KCNIP4: variants seen among roughly 807,000 people sequenced by gnomAD.
The protein encoded by KCNIP4 is potassium voltage-gated channel interacting protein 4.
In KCNIP4, 12 loss-of-function variants were observed where a neutral mutation model predicts 34.0. The ratio of observed to expected loss-of-function variants is 0.35; its 90% CI spans 0.23 to 0.57. The LOEUF is 0.57. Ranked by LOEUF, KCNIP4 falls within the 20% of genes least tolerant of loss-of-function variation. KCNIP4 has a pLI of 0.83. For missense variants in KCNIP4, 238 were observed against 311.7 expected (o/e 0.76, Z 1.78); for synonymous variants, 124 against 102.2 (o/e 1.21, Z -1.29).
intron 1 of KCNIP4, among the ~76,000 whole-genome samples, chr4:21,348,702 G>A (rs932599483): frequency 1.3e-5 from 2 of 152,194 alleles, no homozygotes; most frequent in Non-Finnish European, 2.9e-5. Context: ...ATACTTCAGA[G>A]CTGCGCTATG....
chr4:21,298,112 G>A (rs1377160206), intron 1 of KCNIP4, among the ~76,000 whole-genome samples: 1 of 152,120 alleles, frequency 6.6e-6, no homozygotes, highest in Non-Finnish European at 1.5e-5. Context: ...TGATTGAGAT[G>A]ATAATTCCAA....
intron 1 of KCNIP4, among the ~76,000 whole-genome samples, chr4:21,836,263 C>T (rs1046870298): frequency 5.3e-5 from 8 of 152,214 alleles, no homozygotes; most frequent in Middle Eastern, 3.4e-3. Context: ...GACTCAGCTG[C>T]ACTTCTTGAT....
At chr4:21,356,020 T>C (rs1718555663) in intron 1 of KCNIP4, among the ~76,000 whole-genome samples, 1 of 152,070 alleles carries the variant, frequency 6.6e-6, no homozygotes, top group South Asian at 2.1e-4. Flanking sequence ...ATAAACGTAA[T>C]CCATCACATA....
At chr4:21,375,092 T>C (rs769821557) in intron 1 of KCNIP4, among the ~76,000 whole-genome samples, 1 of 147,674 alleles carries the variant, frequency 6.8e-6, no homozygotes, top group Non-Finnish European at 1.5e-5. Flanking sequence ...TTCATGCAGA[T>C]TTAAATTTCC....
At chr4:21,319,996 C>T (rs1282640228) in intron 1 of KCNIP4, among the ~76,000 whole-genome samples, 1 of 152,174 alleles carries the variant, frequency 6.6e-6, no homozygotes, top group East Asian at 1.9e-4. Flanking sequence ...TCTATATGTT[C>T]CTGGTTATGA....
chr4:21,825,054 C>T (rs1283045330), intron 1 of KCNIP4, among the ~76,000 whole-genome samples: 1 of 152,064 alleles, frequency 6.6e-6, no homozygotes, highest in Non-Finnish European at 1.5e-5. Flanking sequence ...GACGATGTTT[C>T]TGATGTTAAT....
intron 1 of KCNIP4, among the ~76,000 whole-genome samples, chr4:21,339,941 A>T (rs185866965): frequency 9.5e-4 from 144 of 152,260 alleles, no homozygotes; most frequent in African/African-American, 3.3e-3. Flanking sequence ...TTGTATTCTC[A>T]TCAATCACTC....
intron 1 of KCNIP4, among the ~76,000 whole-genome samples, chr4:21,821,946 A>T (rs1722377927): frequency 6.6e-6 from 1 of 152,160 alleles, no homozygotes; most frequent in Non-Finnish European, 1.5e-5. Context: ...GCTTTTCCAT[A>T]GGAGAAGCAT....
At chr4:21,624,739 C>T (rs1745214643) in intron 1 of KCNIP4, among the ~76,000 whole-genome samples, 1 of 152,042 alleles carries the variant, frequency 6.6e-6, no homozygotes, top group African/African-American at 2.4e-5. Flanking sequence ...CAATATGTTT[C>T]AACAAGTGAA....
chr4:21,871,874 A>G (rs1578095829), intron 1 of KCNIP4, among the ~76,000 whole-genome samples: 1 of 146,090 alleles, frequency 6.8e-6, no homozygotes, highest in East Asian at 2.1e-4. Flanking sequence ...TTGATTTCCC[A>G]TTATTTCTTG....
In KCNIP4 at chr4:21,228,985, T is replaced by C. The variant is rs147545248; in HGVS notation, c.62-346276A>G. Reference sequence around the variant, plus strand: ...TGTGCACGGTCACTCAAGGCCTCTTTGATCTAATTCTCACCTAAATTTTCA... The same window carrying C: ...TGTGCACGGTCACTCAAGGCCTCTTCGATCTAATTCTCACCTAAATTTTCA... On this transcript the variant is annotated intron_variant, in intron 1 of 8. Transcript: ENST00000382152. 3.1e-4 allele frequency among the ~76,000 whole-genome samples: 47 copies of C among 152,312 alleles called. No homozygotes were observed. In the East Asian group the frequency reaches 8.9e-3, roughly 29 times the overall value.
chr4:20,758,737 A>G, intron 4 of KCNIP4, 84 bp downstream of exon 4: 2 of 991,300 alleles, frequency 2.0e-6, no homozygotes, highest in Middle Eastern at 2.1e-4. Flanking sequence ...AAAATGTAGC[A>G]TCATGCTATG....
Position 21,944,239 on chromosome 4 carries a change from A to C in KCNIP4, c.61+4332T>G, listed in dbSNP as rs560762383. ...TGCACAAAATGGGCAAAAAGAGGAA[A>C]TAAGTGTCATAAAAGGAGATCTGGC... On this transcript the variant is annotated intron_variant, in intron 1 of 8. Transcript: ENST00000382152. Among the ~76,000 whole-genome samples the C allele has an allele frequency of 1.4e-4, 21 of 152,164 alleles. No individual in the cohort carries two copies. In the South Asian group the frequency reaches 2.9e-3, roughly 21 times the overall value.
chr4:20,997,594 A>G (rs6448006), intron 1 of KCNIP4, among the ~76,000 whole-genome samples: 71,331 of 151,564 alleles, frequency 0.47, 17,887 homozygotes, highest in African/African-American at 0.65. Context: ...GGACGCTGTG[A>G]ATGACCTGCA....
At chr4:21,656,535 T>C (rs1747954734) in intron 1 of KCNIP4, 1 of 152,216 alleles carries the variant, frequency 6.6e-6, no homozygotes, top group African/African-American at 2.4e-5. Flanking sequence ...AAATGAACTG[T>C]AGATTTTTGA....
At chr4:21,000,767 C>G (rs1738059480) in intron 1 of KCNIP4, among the ~76,000 whole-genome samples, 1 of 152,054 alleles carries the variant, frequency 6.6e-6, no homozygotes, top group African/African-American at 2.4e-5. Flanking sequence ...TTTTGTCTCA[C>G]TACACACCCC....
chr4:21,195,821 T>C (rs578110231), intron 1 of KCNIP4, among the ~76,000 whole-genome samples: 1 of 152,096 alleles, frequency 6.6e-6, no homozygotes, highest in African/African-American at 2.4e-5. Flanking sequence ...TCCGCCCAAG[T>C]AGACTCTCAA....
chr4:21,400,374 T>A (rs1261345617), intron 1 of KCNIP4, among the ~76,000 whole-genome samples: 1 of 152,020 alleles, frequency 6.6e-6, no homozygotes, highest in African/African-American at 2.4e-5. Context: ...GGAGTTGAGC[T>A]AGACCTTGGT....
chr4:21,434,449 C>G (rs1296060000), intron 1 of KCNIP4, among the ~76,000 whole-genome samples: 3 of 152,058 alleles, frequency 2.0e-5, no homozygotes, highest in Non-Finnish European at 4.4e-5. Context: ...TGCCTAGAAA[C>G]ATTAGCATCA....
Sources: gnomAD v4.1 joint callset for allele counts (sites outside exome capture counted in the v4.1 genomes callset) on GRCh38, gnomAD v4.1.1 for gene constraint, MANE v1.5 for transcripts, NCBI Gene and HGNC (gene_info 2026-07-23, HGNC 2026-07-21) for gene names.